Variants in LPP observed in about 807,000 individuals in gnomAD.
LPP encodes the protein lipoma-preferred partner.
In LPP, 38 loss-of-function variants were observed where a neutral mutation model predicts 60.4. That is an observed-to-expected ratio of 0.63 (90% CI 0.49 to 0.83). The LOEUF (loss-of-function observed/expected upper bound fraction) is 0.83. LPP is among the 40% of genes least tolerant of loss of function. The pLI, the probability that LPP is intolerant of heterozygous loss-of-function variation, is 0.00. For synonymous variants in LPP, 328 were observed against 290.8 expected, an observed-to-expected ratio of 1.13 and a Z score of -1.30; for missense variants, 902 against 783.6, an observed-to-expected ratio of 1.15 and a Z score of -1.80.
chr3:188,434,177 C>T (rs1462633817), intron 4 of LPP, among the ~76,000 whole-genome samples: 2 of 152,094 alleles, frequency 1.3e-5, no homozygotes, highest in East Asian at 1.9e-4. Context: ...TAATGACTTT[C>T]GAACTTTGTT....
chr3:188,263,339 C>T (rs1734350033), intron 2 of LPP, among the ~76,000 whole-genome samples: 1 of 152,180 alleles, frequency 6.6e-6, no homozygotes, highest in Non-Finnish European at 1.5e-5. Context: ...TCCAGTCAGA[C>T]TTCAACACAA....
chr3:188,640,439 A>G (rs1244598113), intron 7 of LPP, among the ~76,000 whole-genome samples: 1 of 149,812 alleles, frequency 6.7e-6, no homozygotes, highest in Admixed American at 6.6e-5. Flanking sequence ...TAGTGGGTGC[A>G]GCGCACCAGC....
At chr3:188,777,645 G>C (rs560939425) in intron 9 of LPP, among the ~76,000 whole-genome samples, 3 of 152,052 alleles carry the variant, frequency 2.0e-5, no homozygotes, top group African/African-American at 7.2e-5. Flanking sequence ...GAGTGTCTTG[G>C]CATGTCTTTT....
At position 188,885,198 on chromosome 3, in the gene LPP, G is replaced by GA. The variant is rs1448081070; in HGVS notation, c.*10725dup. The GA allele has an allele frequency of 9.3e-5, 19 of 203,316 alleles. No homozygotes were observed. The highest frequency in any genetic ancestry group is 6.0e-5 in the Admixed American group (1 of 16,710). 12.6% of individuals were successfully genotyped at this position (203,316 alleles called of 1,614,324 possible). On this transcript the variant is annotated 3_prime_UTR_variant, in exon 12 of 12. Coordinates refer to ENST00000617246, the MANE Select transcript of LPP (RefSeq NM_001375462.1). ...ATATCCTAAAATATGTGAAGTGAGA[G>GA]AAAAAATATCATTTCTTCTCATTAA...
rs557503497 is a variant in LPP, at chr3:188,222,437, C to T, written c.-189-2968C>T. ...TGCCATACGTGCTAGATATGGGATC[C>T]CAGGAAATGGTTGCATACACCTTGT... On this transcript the variant is annotated intron_variant, in intron 1 of 11. Transcript: ENST00000617246. 3.3e-5 allele frequency among the ~76,000 whole-genome samples: 5 copies of T among 152,152 alleles called. No homozygotes were observed. In the South Asian group the frequency reaches 8.3e-4, roughly 25 times the overall value.
intron 9 of LPP, among the ~76,000 whole-genome samples, chr3:188,805,262 G>T (rs1237135189): frequency 1.3e-5 from 2 of 151,982 alleles, no homozygotes; most frequent in African/African-American, 4.8e-5. Context: ...AATTTGTATG[G>T]AATTGGTATT....
At chr3:188,695,134 T>C (rs1560077171) in intron 7 of LPP, among the ~76,000 whole-genome samples, 1 of 152,234 alleles carries the variant, frequency 6.6e-6, no homozygotes, top group East Asian at 1.9e-4. Context: ...AATAAGTTAC[T>C]CAATATAAAA....
intron 9 of LPP, among the ~76,000 whole-genome samples, chr3:188,762,141 A>T (rs999286162): frequency 1.3e-5 from 2 of 152,206 alleles, no homozygotes; most frequent in Non-Finnish European, 2.9e-5. Context: ...GCTTGAAATC[A>T]TATAGACAGT....
chr3:188,356,657 A>T (rs1164769287), intron 3 of LPP, among the ~76,000 whole-genome samples: 1 of 152,214 alleles, frequency 6.6e-6, no homozygotes, highest in East Asian at 1.9e-4. Context: ...CTGTGGCAAT[A>T]GTTCTTGGCT....
At chr3:188,657,161 A>G (rs1269586166) in intron 7 of LPP, among the ~76,000 whole-genome samples, 1 of 150,306 alleles carries the variant, frequency 6.7e-6, no homozygotes, top group Non-Finnish European at 1.5e-5. Flanking sequence ...TAAGGAGACT[A>G]TATCTGAATT....
intron 4 of LPP, among the ~76,000 whole-genome samples, chr3:188,408,420 C>T (rs1784177653): frequency 6.6e-6 from 1 of 152,150 alleles, no homozygotes; most frequent in East Asian, 1.9e-4. Context: ...GTGTGGTTCA[C>T]CCACTGTCTT....
At chr3:188,195,100 A>G (rs946553241) in intron 1 of LPP, among the ~76,000 whole-genome samples, 3 of 152,162 alleles carry the variant, frequency 2.0e-5, no homozygotes. Context: ...CTCTACTAAA[A>G]GTACAAAAAT....
At chr3:188,205,277 CTTTTT>C (rs34713244) in intron 1 of LPP, among the ~76,000 whole-genome samples, 32 of 103,408 alleles carry the variant, frequency 3.1e-4, no homozygotes, top group African/African-American at 1.2e-3. Flanking sequence ...AGATTATAAT[CTTTTT>C]TTTTTTTTTT....
At chr3:188,264,001 G>T (rs1173590636) in intron 2 of LPP, among the ~76,000 whole-genome samples, 3 of 152,142 alleles carry the variant, frequency 2.0e-5, no homozygotes, top group Non-Finnish European at 4.4e-5. Context: ...TATTATGTAG[G>T]AAGCCTTCCA....
chr3:188,371,409 T>A (rs1302998036), intron 3 of LPP, among the ~76,000 whole-genome samples: 2 of 151,336 alleles, frequency 1.3e-5, no homozygotes, highest in African/African-American at 4.9e-5. Flanking sequence ...AGAGGGGAGA[T>A]TTGTTAATTC....
chr3:188,846,556 C>T (rs1411340429), intron 9 of LPP, among the ~76,000 whole-genome samples: 3 of 151,674 alleles, frequency 2.0e-5, no homozygotes, highest in African/African-American at 7.3e-5. Context: ...TGGTGGCGGG[C>T]ACCTTTAGTC....
intron 9 of LPP, among the ~76,000 whole-genome samples, chr3:188,783,370 A>G (rs930829858): frequency 1.3e-5 from 2 of 152,206 alleles, no homozygotes; most frequent in African/African-American, 2.4e-5. Flanking sequence ...AATACTAAGC[A>G]GCCATAAAAA....
chr3:188,765,595 G>C (rs1195140972), intron 9 of LPP, among the ~76,000 whole-genome samples: 3 of 152,082 alleles, frequency 2.0e-5, no homozygotes, highest in Non-Finnish European at 4.4e-5. Context: ...TTTTACAAAT[G>C]TGGCTCGGAT....
Position 188,310,396 on chromosome 3 carries a change from G to T in LPP, c.-66-31267G>T, listed in dbSNP as rs114717011. 3.6e-3 allele frequency among the ~76,000 whole-genome samples: 554 copies of T among 152,166 alleles called. 2 individuals are homozygous for T. The highest frequency in any genetic ancestry group is 6.0e-3 in the Non-Finnish European group (408 of 68,002). ...CCAAGGATGCCCGGTTGATGAGTGC[G>T]CTATAGGTGCTTGGGAGTGAGAAGG... is the stretch of plus-strand genomic sequence containing the variant. On this transcript the variant is annotated intron_variant, in intron 2 of 11. Transcript: ENST00000617246.
Sources: allele counts gnomAD v4.1 joint callset (sites outside exome capture counted in the v4.1 genomes callset), GRCh38; gene constraint gnomAD v4.1.1; transcripts MANE v1.5; gene names NCBI Gene and HGNC (gene_info 2026-07-23, HGNC 2026-07-21).